Variants in PLCE1 observed in about 807,000 individuals in gnomAD.
PLCE1 encodes phospholipase C epsilon 1, also known as 1-phosphatidylinositol 4,5-bisphosphate phosphodiesterase epsilon-1.
In PLCE1, 119 loss-of-function variants were observed where a neutral mutation model predicts 242.8. That is an observed-to-expected ratio of 0.49 (90% CI 0.42 to 0.57). The LOEUF (loss-of-function observed/expected upper bound fraction) is 0.57. Among genes scored for constraint, PLCE1 ranks in the 20% least tolerant of loss-of-function variants. PLCE1 has a pLI of 0.00. For missense variants in PLCE1, 2,441 were observed against 2,788.8 expected (o/e 0.88, Z 2.81); for synonymous variants, 945 against 1,017.4 (o/e 0.93, Z 1.35).
intron 1 of PLCE1, among the ~76,000 whole-genome samples, chr10:93,994,596 A>G (rs1315828354): frequency 6.6e-6 from 1 of 152,262 alleles, no homozygotes; most frequent in Non-Finnish European, 1.5e-5. Flanking sequence ...TTTCAAGGAA[A>G]GTGCTCAAGA....
intron 4 of PLCE1, among the ~76,000 whole-genome samples, chr10:94,223,233 C>CAAAAAAAAAAAA (rs60764243): frequency 0.013 from 1,188 of 90,762 alleles, 75 homozygotes; most frequent in African/African-American, 0.054. Context: ...TCCATCTCTA[C>CAAAAAAAAAAAA]AAAAAAAAAA....
At chr10:93,997,047 CTA>C (rs1201874439) in intron 1 of PLCE1, among the ~76,000 whole-genome samples, 3 of 152,176 alleles carry the variant, frequency 2.0e-5, no homozygotes, top group Non-Finnish European at 4.4e-5. Flanking sequence ...GTTGGTAACA[CTA>C]TGGTGCTTAC....
At chr10:94,228,909 C>T (rs766165084) in intron 5 of PLCE1, among the ~76,000 whole-genome samples, 11 of 152,060 alleles carry the variant, frequency 7.2e-5, no homozygotes, top group East Asian at 1.9e-4. Flanking sequence ...AGGCCGGGCA[C>T]GGTGGCTCAT....
intron 3 of PLCE1, among the ~76,000 whole-genome samples, chr10:94,157,300 T>TA (rs2047463889): frequency 6.6e-6 from 1 of 152,182 alleles, no homozygotes; most frequent in Admixed American, 6.5e-5. Context: ...TTAATGATGA[T>TA]AATAAGATGG....
At chr10:94,108,732 G>T (rs936370549) in intron 2 of PLCE1, 1 of 152,154 alleles carries the variant, frequency 6.6e-6, no homozygotes, top group African/African-American at 2.4e-5. Flanking sequence ...TTCTGAGCCA[G>T]TAATCCCCAA....
chr10:94,017,461 A>G (rs1043737107), intron 1 of PLCE1, among the ~76,000 whole-genome samples: 1 of 152,144 alleles, frequency 6.6e-6, no homozygotes, highest in South Asian at 2.1e-4. Context: ...TTTTAATTCT[A>G]TCCAAAACAA....
intron 2 of PLCE1, among the ~76,000 whole-genome samples, chr10:94,124,570 T>C (rs955857302): frequency 6.6e-6 from 1 of 152,154 alleles, no homozygotes; most frequent in Non-Finnish European, 1.5e-5. Context: ...TATCACACAA[T>C]TACACAGTAC....
At chr10:94,303,854 T>G (rs2053117959) in intron 24 of PLCE1, among the ~76,000 whole-genome samples, 1 of 152,140 alleles carries the variant, frequency 6.6e-6, no homozygotes, top group Admixed American at 6.5e-5. Context: ...ATAACAGCCT[T>G]GTCTCCTTGT....
Position 94,126,081 on chromosome 10 carries a change from C to T in PLCE1, c.1207-6093C>T, listed in dbSNP as rs141867504. Among the ~76,000 whole-genome samples the T allele has an allele frequency of 3.2e-3, 481 of 152,324 alleles. 2 individuals carry two copies. Among genetic ancestry groups the T allele is most frequent in the African/African-American group, 9.8e-3 (407 of 41,560 alleles). ...TGGCTTCTATAAGGCATCCCTCTTTCATGAGTCACAAGGAACTGCAAATGC... is the reference window on the plus strand; with the variant it reads ...TGGCTTCTATAAGGCATCCCTCTTTTATGAGTCACAAGGAACTGCAAATGC... On this transcript the variant is annotated intron_variant, in intron 2 of 32. Transcript: ENST00000371380.
intron 3 of PLCE1, among the ~76,000 whole-genome samples, chr10:94,160,197 A>G (rs375946512): frequency 6.6e-6 from 1 of 152,082 alleles, no homozygotes; most frequent in Non-Finnish European, 1.5e-5. Flanking sequence ...TCGCCACACT[A>G]ACTTCCACAA....
chr10:94,220,609 T>C (rs1488571000), intron 4 of PLCE1, among the ~76,000 whole-genome samples: 1 of 151,562 alleles, frequency 6.6e-6, no homozygotes, highest in Non-Finnish European at 1.5e-5. Context: ...GATTTAGAGA[T>C]TCCAGTCTTC....
intron 26 of PLCE1, among the ~76,000 whole-genome samples, chr10:94,307,395 C>T (rs890871226): frequency 3.3e-5 from 5 of 152,216 alleles, no homozygotes; most frequent in Non-Finnish European, 7.3e-5. Context: ...CCCAGCTACA[C>T]TCAAGCTGCC....
At chr10:94,071,804 A>G (rs542993031) in intron 2 of PLCE1, among the ~76,000 whole-genome samples, 13 of 151,452 alleles carry the variant, frequency 8.6e-5, no homozygotes, top group African/African-American at 3.1e-4. Context: ...TAGCCTTCCT[A>G]TTTCTTTCCC....
chr10:94,304,663 A>G lies in PLCE1; in HGVS notation c.5622+18A>G. 1 of 1,613,094 alleles carries G rather than the reference A, an allele frequency of 6.2e-7. No individual in the cohort carries two copies. The highest frequency in any genetic ancestry group is 8.5e-7 in the Non-Finnish European group (1 of 1,179,442). ...CTTTAACTGTAAGTACGGCCCCTAG[A>G]GAAAGAACATAAGGTCGGGTTTAAG... On this transcript the variant is annotated intron_variant, in intron 25 of 32. Transcript: ENST00000371380.
chr10:94,164,487 T>C (rs2047725257), intron 3 of PLCE1, among the ~76,000 whole-genome samples: 1 of 152,150 alleles, frequency 6.6e-6, no homozygotes, highest in Non-Finnish European at 1.5e-5. Flanking sequence ...TCTCGTGCCA[T>C]AGTTTTCAGC....
At chr10:94,121,973 G>T (rs1199259703) in intron 2 of PLCE1, among the ~76,000 whole-genome samples, 1 of 152,202 alleles carries the variant, frequency 6.6e-6, no homozygotes, top group Non-Finnish European at 1.5e-5. Flanking sequence ...ACCAGGAAAA[G>T]ATGAGCAGGA....
At chr10:94,304,402 T>C (rs2053135160) in intron 24 of PLCE1, 80 bp from the exon 25 acceptor site, 5 of 1,287,014 alleles carry the variant, frequency 3.9e-6, no homozygotes, top group African/African-American at 1.5e-5. Context: ...CAAAGTTCTT[T>C]TGAACTTTCA....
intron 3 of PLCE1, among the ~76,000 whole-genome samples, chr10:94,145,870 T>C (rs1205883287): frequency 6.6e-6 from 1 of 152,022 alleles, no homozygotes; most frequent in Non-Finnish European, 1.5e-5. Context: ...AGACAGGTCA[T>C]CTGTGAACAA....
chr10:94,238,055 C>T (rs1246417304), intron 7 of PLCE1, among the ~76,000 whole-genome samples: 1 of 152,174 alleles, frequency 6.6e-6, no homozygotes, highest in Non-Finnish European at 1.5e-5. Context: ...CTTCCCAAAC[C>T]TCACAGCTAC....
Sources: gnomAD v4.1 joint callset for allele counts (sites outside exome capture counted in the v4.1 genomes callset) on GRCh38, gnomAD v4.1.1 for gene constraint, MANE v1.5 for transcripts, NCBI Gene and HGNC (gene_info 2026-07-23, HGNC 2026-07-21) for gene names.